Variants in DOK7 observed in about 807,000 individuals in gnomAD.
The protein encoded by DOK7 is docking protein 7, also known as protein Dok-7.
DOK7 carries 32 observed loss-of-function variants against 30.7 expected under a neutral mutation model. That is an observed-to-expected ratio of 1.04 (90% CI 0.79 to 1.40). DOK7 has a LOEUF of 1.40. DOK7 is among the 40% of genes most tolerant of loss of function. The probability of loss-of-function intolerance (pLI) is 0.00; values close to 1 mark genes in which losing one functional copy is unlikely to be tolerated. For missense variants in DOK7, 1,007 were observed against 699.2 expected (o/e 1.44, Z -4.97); for synonymous variants, 447 against 324.1 (o/e 1.38, Z -4.07).
chr4:3,500,313 A>G (rs1729127288), exon 7 of DOK7: 1 of 1,535,902 alleles, frequency 6.5e-7, no homozygotes, highest in Non-Finnish European at 8.7e-7. Flanking sequence ...CGAGTCGCCC[A>G]CTTACGTGAA....
Position 3,494,465 on chromosome 4 carries a change from T to TAAAA in DOK7, c.*965_*968dup. On this transcript the variant is annotated 3_prime_UTR_variant, in exon 7 of 7. Transcript: ENST00000340083. ...GACACTGTTTGTAATAGACTGGAAA[T>TAAAA]AAAATGTTCTTTCCTTACCACCTTG... 1 of 985,472 alleles carries TAAAA rather than the reference T, an allele frequency of 1.0e-6. No individual in the cohort carries two copies. The highest frequency in any genetic ancestry group is 1.2e-6 in the Non-Finnish European group (1 of 829,920). 61.0% of individuals were successfully genotyped at this position (985,472 alleles called of 1,614,324 possible).
In DOK7 at chr4:3,492,924, G is replaced by A. The variant is rs906964928; in HGVS notation, c.938G>A (p.Gly313Asp). The change falls in exon 7 of 7, where the codon GGT (glycine) becomes GAT (aspartate). Residue 313 changes from glycine to aspartate, a missense_variant. Physicochemically the swap from Gly to Asp is moderately conservative, Grantham distance 94 (BLOSUM62 -1). Transcript: ENST00000340083. ...CAGGCCGCCGGGGAAGCCATGGTGGGTGCCTCAAGGCCACCCCCCAAGCCG... is the reference window on the plus strand; with the variant it reads ...CAGGCCGCCGGGGAAGCCATGGTGGATGCCTCAAGGCCACCCCCCAAGCCG... ...AAQAAGEAMV[G>D]ASRPPPKPLR... The A allele has an allele frequency of 1.2e-5, 19 of 1,562,680 alleles. No homozygotes were observed. The highest frequency in any genetic ancestry group is 1.6e-5 in the Non-Finnish European group (19 of 1,157,208).
At chr4:3,468,235 G>T (rs1341225965) in intron 2 of DOK7, among the ~76,000 whole-genome samples, 1 of 149,846 alleles carries the variant, frequency 6.7e-6, no homozygotes, top group Admixed American at 6.6e-5. Flanking sequence ...CCTGTGTGGG[G>T]GTGTATGTGT....
intron 6 of DOK7, among the ~76,000 whole-genome samples, chr4:3,490,167 ATTTCTTCCTCCG>A (rs1728153532): frequency 4.3e-5 from 2 of 46,378 alleles, no homozygotes; most frequent in East Asian, 1.4e-3. Context: ...CTGCTCATTC[ATTTCTTCCTCCG>A]CCCCCCCCAC....
At chr4:3,500,465 CCT>C (rs1278639641) in intron 7 of DOK7, 29 of 1,521,420 alleles carry the variant, frequency 1.9e-5, no homozygotes, top group Non-Finnish European at 2.5e-5. Flanking sequence ...GCCTCAGGGC[CCT>C]GAGCCCCCAG....
chr4:3,483,616 A>G (rs923065974), intron 4 of DOK7, among the ~76,000 whole-genome samples: 3 of 152,172 alleles, frequency 2.0e-5, no homozygotes, highest in African/African-American at 2.4e-5. Context: ...CAGACGCCGC[A>G]TGGAATGCGG....
rs1728766954 is a variant in DOK7 at position 3,494,311 on chromosome 4, G to GTGTT, written c.*811_*814dup. On this transcript the variant is annotated 3_prime_UTR_variant, in exon 7 of 7. Coordinates refer to ENST00000340083, the MANE Select transcript of DOK7 (RefSeq NM_173660.5). The stretch of plus-strand genomic sequence containing the variant: ...CAGCCCCTGCGTCGGAGGTGGGGCT[G>GTGTT]TGTTGGGCCCATTGTCCCCCGCCCT... 1 of 985,796 alleles carries GTGTT rather than the reference G, an allele frequency of 1.0e-6. No individual in the cohort carries two copies. Among genetic ancestry groups the GTGTT allele is most frequent in the African/African-American group, 1.7e-5 (1 of 57,384 alleles). 61.1% of individuals were successfully genotyped at this position (985,796 alleles called of 1,614,324 possible).
chr4:3,498,861 A>G (rs115966550), downstream of DOK7, among the ~76,000 whole-genome samples: 115 of 152,346 alleles, frequency 7.5e-4, no homozygotes, highest in African/African-American at 2.6e-3. Context: ...GGGTTGGGGC[A>G]GAATTGTGTT....
intron 6 of DOK7, among the ~76,000 whole-genome samples, chr4:3,490,633 G>C (rs60122906): frequency 0.73 from 61,949 of 84,408 alleles, 21,739 homozygotes; most frequent in African/African-American, 0.85. Context: ...TTCCCTCTCC[G>C]CCTGCTCGTT....
intron 3 of DOK7, among the ~76,000 whole-genome samples, chr4:3,475,130 C>T (rs1230476888): frequency 2.0e-5 from 3 of 152,104 alleles, no homozygotes; most frequent in African/African-American, 4.8e-5. Flanking sequence ...GGAGGAGGTG[C>T]GGTTGGCTCT....
chr4:3,492,897 C>T lies in DOK7; in HGVS notation c.911C>T (p.Ala304Val). Reference protein sequence around the residue: ...TSQEGPRPAAAQAAGEAMVGA... With the variant: ...TSQEGPRPAAVQAAGEAMVGA... ...CAGGAGGGGCCTAGACCAGCAGCTG[C>T]CCAGGCCGCCGGGGAAGCCATGGTG... The change falls in exon 7 of 7, where the codon GCC (alanine) becomes GTC (valine). Residue 304 changes from alanine (A) to valine (V), a missense_variant. Transcript: ENST00000340083. 6.3e-7 allele frequency: 1 copy of T among 1,586,454 alleles called. No homozygotes were observed. Among genetic ancestry groups the T allele is most frequent in the Non-Finnish European group, 8.6e-7 (1 of 1,169,146 alleles).
chr4:3,495,319 C>T (rs11735307), downstream of DOK7, among the ~76,000 whole-genome samples: 34,076 of 148,388 alleles, frequency 0.23, 3,976 homozygotes, highest in South Asian at 0.38. Flanking sequence ...AGGCCCTTCC[C>T]GCTAGTCTTC....
Position 3,492,985 on chromosome 4 carries a change from G to C in DOK7, c.999G>C (p.Gln333His). Residue 333 changes from glutamine (Q) to histidine (H), a missense_variant, in exon 7 of 7, where the codon CAG (glutamine) becomes CAC (histidine). Transcript: ENST00000340083. ...GGCAGCTGCAGGAGGTTGGCCGCCA[G>C]AGCTCCTCGGACAGCGGCATCGCCA... is the stretch of plus-strand genomic sequence containing the variant. ...RPRQLQEVGRQSSSDSGIATG... is the reference protein window; with the variant it reads ...RPRQLQEVGRHSSSDSGIATG... 1 of 1,556,544 alleles carries C rather than the reference G, an allele frequency of 6.4e-7. No individual in the cohort carries two copies. The highest frequency in any genetic ancestry group is 1.2e-5 in the South Asian group (1 of 85,726).
chr4:3,490,257 C>T (rs1380431038), intron 6 of DOK7, among the ~76,000 whole-genome samples: 15 of 107,354 alleles, frequency 1.4e-4, no homozygotes, highest in Admixed American at 1.4e-3. Context: ...TCTCCCTGCT[C>T]ATTCATTCCT....
chr4:3,497,114 G>C (rs748213230), downstream of DOK7, among the ~76,000 whole-genome samples: 6 of 152,094 alleles, frequency 3.9e-5, no homozygotes, highest in South Asian at 2.1e-4. Context: ...TCCCAGCCCA[G>C]GTGTGGACAG....
At position 3,467,443 on chromosome 4, in the gene DOK7, G is replaced by A. The variant is rs1049515250; in HGVS notation, c.100+3892G>A. ...TGGGCTTCTCAGCCTCACGTGTCCA[G>A]GGAAGACCCCCCCCCCCCACCCCAG... On this transcript the variant is annotated intron_variant, in intron 2 of 6. Coordinates refer to ENST00000340083, the MANE Select transcript of DOK7 (RefSeq NM_173660.5). Among the ~76,000 whole-genome samples, 9 of 149,216 alleles carry A rather than the reference G, an allele frequency of 6.0e-5. 1 individual carries two copies. Among genetic ancestry groups the A allele is most frequent in the African/African-American group, 2.0e-4 (8 of 40,638 alleles).
chr4:3,500,835 G>A (rs749106898), exon 8 of DOK7: 222 of 1,524,856 alleles, frequency 1.5e-4, no homozygotes, highest in Non-Finnish European at 1.8e-4. Flanking sequence ...AGGTCACAGC[G>A]CCAGGAGCTG....
rs1475597041 is a variant in DOK7, at chr4:3,500,472, C to A, written c.1261+69C>A. On this transcript the variant is annotated intron_variant, in intron 7 of 7. Transcript: ENST00000643608. ...GGACCACAGCCTCAGGGCCCTGAGC[C>A]CCCAGCCCCACCCAGCAGCCCTTGG... The A allele has an allele frequency of 5.9e-6, 9 of 1,516,864 alleles. No homozygotes were observed. The African/African-American group carries it at 6.9e-5, about 12-fold the overall frequency. The allele number at this position is 1,516,864 out of a possible 1,614,324, so 94.0% of individuals were successfully genotyped here. A position where few individuals can be genotyped will look rare whatever the true frequency, so the allele number is the denominator to read the frequency against.
exon 8 of DOK7, chr4:3,500,849 G>C: frequency 1.3e-6 from 2 of 1,517,974 alleles, no homozygotes; most frequent in Non-Finnish European, 1.8e-6. Context: ...GGAGCTGACC[G>C]CAAACCCGGT....
Sources: gnomAD v4.1 joint callset for allele counts (sites outside exome capture counted in the v4.1 genomes callset) on GRCh38, gnomAD v4.1.1 for gene constraint, MANE v1.5 for transcripts, NCBI Gene and HGNC (gene_info 2026-07-23, HGNC 2026-07-21) for gene names.